Variants in MACROD2 observed in about 807,000 individuals in gnomAD.
The protein encoded by MACROD2 is mono-ADP ribosylhydrolase 2, also known as ADP-ribose glycohydrolase MACROD2.
In MACROD2, 36 loss-of-function variants were observed where a neutral mutation model predicts 70.4. The observed-to-expected ratio is 0.51, with a 90% CI of 0.39 to 0.68. MACROD2 has a LOEUF of 0.68. Ranked by LOEUF, MACROD2 falls within the 30% of genes least tolerant of loss-of-function variation. The pLI, the probability that MACROD2 is intolerant of heterozygous loss-of-function variation, is 0.00. For missense variants in MACROD2, 496 were observed against 538.4 expected, an observed-to-expected ratio of 0.92 and a Z score of 0.78; for synonymous variants, 172 against 178.8, an observed-to-expected ratio of 0.96 and a Z score of 0.30.
intron 8 of MACROD2, among the ~76,000 whole-genome samples, chr20:15,811,791 C>G (rs1452530687): frequency 1.3e-5 from 2 of 152,112 alleles, no homozygotes; most frequent in Admixed American, 6.5e-5. Flanking sequence ...TAGAAGTTTT[C>G]TGAAGGATAT....
intron 4 of MACROD2, among the ~76,000 whole-genome samples, chr20:14,537,503 TA>T (rs2123223705): frequency 6.6e-6 from 1 of 152,228 alleles, no homozygotes; most frequent in Non-Finnish European, 1.5e-5. Context: ...CAGCCTGCCC[TA>T]AACATGGACT....
chr20:14,256,907 A>G (rs550046753), intron 3 of MACROD2, among the ~76,000 whole-genome samples: 8 of 151,930 alleles, frequency 5.3e-5, no homozygotes, highest in Non-Finnish European at 8.8e-5. Context: ...TTGTTTTTAT[A>G]TTTTCCCATG....
At chr20:15,441,905 C>T (rs995102263) in intron 7 of MACROD2, among the ~76,000 whole-genome samples, 1 of 152,150 alleles carries the variant, frequency 6.6e-6, no homozygotes, top group African/African-American at 2.4e-5. Flanking sequence ...AGAGCCAATC[C>T]ATTGAGCAGT....
intron 6 of MACROD2, among the ~76,000 whole-genome samples, chr20:15,314,775 A>G (rs184359715): frequency 9.0e-4 from 137 of 152,330 alleles, no homozygotes; most frequent in African/African-American, 3.2e-3. Flanking sequence ...AAGAACTGAA[A>G]TCCTGGGAGG....
At chr20:14,927,268 T>G (rs2074244876) in intron 5 of MACROD2, among the ~76,000 whole-genome samples, 1 of 152,156 alleles carries the variant, frequency 6.6e-6, no homozygotes, top group African/African-American at 2.4e-5. Context: ...AAAAGAAGAT[T>G]GTAGCATGTA....
intron 6 of MACROD2, among the ~76,000 whole-genome samples, chr20:15,392,908 A>C (rs2045811698): frequency 6.6e-6 from 1 of 151,610 alleles, no homozygotes; most frequent in Non-Finnish European, 1.5e-5. Context: ...ATTTATATTC[A>C]AGGAAAATGC....
At chr20:14,190,771 G>A (rs35965144) in intron 3 of MACROD2, among the ~76,000 whole-genome samples, 2 of 130,156 alleles carry the variant, frequency 1.5e-5, no homozygotes, top group Admixed American at 1.7e-4. Context: ...GCAGTGGTGC[G>A]ATCTCGGCTC....
chr20:15,657,082 G>GA (rs1439299132), intron 8 of MACROD2, among the ~76,000 whole-genome samples: 2 of 151,932 alleles, frequency 1.3e-5, no homozygotes, highest in African/African-American at 4.8e-5. Flanking sequence ...AAGTAAGAAT[G>GA]AAAAAAGGTA....
At chr20:15,289,785 T>G (rs1351898658) in intron 6 of MACROD2, among the ~76,000 whole-genome samples, 1 of 152,244 alleles carries the variant, frequency 6.6e-6, no homozygotes, top group East Asian at 1.9e-4. Context: ...CAGAGGACTT[T>G]CTGGCTCACT....
intron 5 of MACROD2, among the ~76,000 whole-genome samples, chr20:14,732,718 C>G (rs376648030): frequency 6.6e-6 from 1 of 152,028 alleles, no homozygotes; most frequent in Non-Finnish European, 1.5e-5. Context: ...TTCTTTTCCC[C>G]TGAAAAGTTA....
chr20:14,592,987 C>T (rs1181484657), intron 4 of MACROD2, among the ~76,000 whole-genome samples: 3 of 151,976 alleles, frequency 2.0e-5, no homozygotes, highest in Non-Finnish European at 2.9e-5. Context: ...CTACATTAGG[C>T]CTCAAAATCT....
intron 3 of MACROD2, among the ~76,000 whole-genome samples, chr20:14,259,835 C>T (rs989300921): frequency 1.3e-5 from 2 of 152,118 alleles, no homozygotes; most frequent in Non-Finnish European, 2.9e-5. Flanking sequence ...TGCTGTCTAT[C>T]CTTTGTTTAT....
Position 14,478,821 on chromosome 20 carries a change from T to TGCTG in MACROD2, c.272-14658_272-14657insGCTG, listed in dbSNP as rs2084628213. On this transcript the variant is annotated intron_variant, in intron 3 of 17. Coordinates refer to ENST00000684519, the MANE Select transcript of MACROD2 (RefSeq NM_001351661.2). Reference sequence around the variant, plus strand: ...GGCAGTAGTTCTAAGGACAATTTAATTTTCCAAGATTTTTTGGTCTTATTT... The same window carrying TGCTG: ...GGCAGTAGTTCTAAGGACAATTTAATGCTGTTTCCAAGATTTTTTGGTCTTATTT... Among the ~76,000 whole-genome samples, 3 of 152,204 alleles carry TGCTG rather than the reference T, an allele frequency of 2.0e-5. No individual in the cohort carries two copies. In the South Asian group the frequency reaches 6.2e-4, roughly 32 times the overall value.
At chr20:14,234,521 ATAT>A (rs1310502500) in intron 3 of MACROD2, among the ~76,000 whole-genome samples, 4 of 152,332 alleles carry the variant, frequency 2.6e-5, no homozygotes, top group Non-Finnish European at 4.4e-5. Context: ...CTTACATTAA[ATAT>A]TATCCTATTT....
At chr20:14,011,621 C>T (rs2052908287) in intron 2 of MACROD2, among the ~76,000 whole-genome samples, 2 of 151,994 alleles carry the variant, frequency 1.3e-5, no homozygotes, top group South Asian at 2.1e-4. Context: ...CTCTGCCTCC[C>T]GGGTTCATGC....
At chr20:16,018,317 C>CT (rs201986521) in intron 15 of MACROD2, among the ~76,000 whole-genome samples, 5 of 150,448 alleles carry the variant, frequency 3.3e-5, no homozygotes, top group Admixed American at 6.6e-5. Flanking sequence ...TTTACAAGGC[C>CT]TTTTTTTTTC....
chr20:16,046,486 T>C (rs559332443), intron 17 of MACROD2, among the ~76,000 whole-genome samples: 1 of 152,124 alleles, frequency 6.6e-6, no homozygotes, highest in South Asian at 2.1e-4. Context: ...CTTTTACCCT[T>C]TTGCTGCCAA....
chr20:14,646,252 A>G (rs1027296917), intron 4 of MACROD2, among the ~76,000 whole-genome samples: 2 of 152,012 alleles, frequency 1.3e-5, no homozygotes, highest in Admixed American at 1.3e-4. Context: ...GCTGCCAATC[A>G]GGATTCCTTG....
At chr20:14,942,622 G>A (rs555543567) in intron 5 of MACROD2, among the ~76,000 whole-genome samples, 1 of 152,280 alleles carries the variant, frequency 6.6e-6, no homozygotes, top group African/African-American at 2.4e-5. Flanking sequence ...GTCAGCATTG[G>A]TGACAGCTTC....
Sources: allele counts gnomAD v4.1 joint callset (sites outside exome capture counted in the v4.1 genomes callset), GRCh38; gene constraint gnomAD v4.1.1; transcripts MANE v1.5; gene names NCBI Gene and HGNC (gene_info 2026-07-23, HGNC 2026-07-21).